SRPK2: variants seen among roughly 807,000 people sequenced by gnomAD.
SRPK2 encodes SRSF protein kinase 2, also known as SFRS protein kinase 2.
A neutral mutation model predicts 90.8 loss-of-function variants in SRPK2; 21 were observed. The ratio of observed to expected loss-of-function variants is 0.23; its 90% CI spans 0.16 to 0.33. The LOEUF (loss-of-function observed/expected upper bound fraction) is 0.33. Ranked by LOEUF, SRPK2 falls within the 10% of genes least tolerant of loss-of-function variation. The pLI is 1.00. For missense variants in SRPK2, 620 were observed against 869.0 expected (o/e 0.71, Z 3.60); for synonymous variants, 288 against 311.1 (o/e 0.93, Z 0.78).
intron 1 of SRPK2, among the ~76,000 whole-genome samples, chr7:105,397,981 A>G (rs1563330259): frequency 1.3e-5 from 2 of 152,186 alleles, no homozygotes; most frequent in Non-Finnish European, 1.5e-5. Flanking sequence ...AAATAATGTA[A>G]TGAGGATGAT....
intron 2 of SRPK2, among the ~76,000 whole-genome samples, chr7:105,233,581 A>G (rs1487117156): frequency 6.6e-6 from 1 of 152,204 alleles, no homozygotes; most frequent in Non-Finnish European, 1.5e-5. Context: ...GGCTGGGCGC[A>G]GTGGCTCACA....
chr7:105,310,435 G>C (rs1358104718), intron 2 of SRPK2, among the ~76,000 whole-genome samples: 1 of 152,028 alleles, frequency 6.6e-6, no homozygotes, highest in Non-Finnish European at 1.5e-5. Context: ...CTGAGCTCAG[G>C]AGTTCAAGAC....
intron 2 of SRPK2, among the ~76,000 whole-genome samples, chr7:105,243,137 G>A (rs991212836): frequency 9.2e-5 from 14 of 152,002 alleles, no homozygotes; most frequent in African/African-American, 2.9e-4. Context: ...GAGTAGCTGG[G>A]ACTCCAGGCC....
intron 2 of SRPK2, among the ~76,000 whole-genome samples, chr7:105,282,146 G>A (rs908542442): frequency 6.6e-6 from 1 of 152,224 alleles, no homozygotes; most frequent in African/African-American, 2.4e-5. Context: ...GAAAGATAAC[G>A]GAAAGTCCAG....
chr7:105,134,271 C>T (rs114422954), intron 11 of SRPK2, among the ~76,000 whole-genome samples: 5,173 of 152,168 alleles, frequency 0.034, 317 homozygotes, highest in African/African-American at 0.12. Context: ...CAGATTTCCA[C>T]GTTGCTGTTC....
Position 105,388,833 on chromosome 7 carries a change from G to T in SRPK2, c.-27C>A. On this transcript the variant is annotated 5_prime_UTR_variant, in exon 1 of 16. Coordinates refer to ENST00000393651, the MANE Select transcript of SRPK2 (RefSeq NM_182692.3). ...CCGACGCGGCGGAAGCGGGGCGGGG[G>T]GCTTCGCGACGGCGACGCGGGCGCC... 7.5e-7 allele frequency: 1 copy of T among 1,342,028 alleles called. No individual in the cohort carries two copies. The highest frequency in any genetic ancestry group is 9.5e-7 in the Non-Finnish European group (1 of 1,052,414). 83.1% of individuals were successfully genotyped at this position (1,342,028 alleles called of 1,614,324 possible). A position where few individuals can be genotyped will look rare whatever the true frequency, so the allele number is the denominator to read the frequency against.
chr7:105,334,118 T>G (rs1216566934), intron 2 of SRPK2, among the ~76,000 whole-genome samples: 1 of 151,290 alleles, frequency 6.6e-6, no homozygotes, highest in African/African-American at 2.4e-5. Context: ...AGTCTCACTC[T>G]GTTGCCAGGC....
Position 105,266,899 on chromosome 7 carries a change from G to A in SRPK2, c.72-63114C>T, listed in dbSNP as rs908106926. Among the ~76,000 whole-genome samples the A allele has an allele frequency of 1.4e-4, 21 of 152,156 alleles. 1 individual carries two copies. Among genetic ancestry groups the A allele is most frequent in the Admixed American group, 3.9e-4 (6 of 15,270 alleles). On this transcript the variant is annotated intron_variant, in intron 2 of 15. Coordinates refer to ENST00000393651, the MANE Select transcript of SRPK2 (RefSeq NM_182692.3). ...TTTAATAAAAAGTAGGGGCAAGGGA[G>A]AGTACCTTCTTGTTGTAATATATCT...
At position 105,311,840 on chromosome 7, in the gene SRPK2, G is replaced by C. The variant is rs553671827; in HGVS notation, c.71+76808C>G. Among the ~76,000 whole-genome samples, 65 of 152,202 alleles carry C rather than the reference G, an allele frequency of 4.3e-4. No homozygotes were observed. The Middle Eastern group carries it at 0.02, about 48-fold the overall frequency. On this transcript the variant is annotated intron_variant, in intron 2 of 15. Transcript: ENST00000393651. ...AACTAAAGCACAAAAATTAATCTAT[G>C]ACCCAGCAATTATATTCCTAGGTTT...
chr7:105,390,607 G>GTTTTTTTT (rs869259356), upstream of SRPK2, among the ~76,000 whole-genome samples: 45 of 109,034 alleles, frequency 4.1e-4, 1 homozygote, highest in East Asian at 2.1e-3. Flanking sequence ...TTTTGTTTTT[G>GTTTTTTTT]TTTTTTTTTT....
At chr7:105,274,957 G>A (rs889118900) in intron 2 of SRPK2, among the ~76,000 whole-genome samples, 7 of 151,616 alleles carry the variant, frequency 4.6e-5, no homozygotes, top group Admixed American at 2.0e-4. Flanking sequence ...GCGCAATCTC[G>A]GCTCACTATA....
intron 3 of SRPK2, among the ~76,000 whole-genome samples, chr7:105,173,081 A>G (rs1476369153): frequency 6.6e-6 from 1 of 152,100 alleles, no homozygotes; most frequent in Non-Finnish European, 1.5e-5. Context: ...AGCTAAAAAT[A>G]TTATCTCTAT....
intron 2 of SRPK2, among the ~76,000 whole-genome samples, chr7:105,258,147 G>A (rs143391951): frequency 3.3e-5 from 5 of 150,188 alleles, no homozygotes; most frequent in South Asian, 4.2e-4. Flanking sequence ...GGCCAGGTGC[G>A]GTGGATCACG....
chr7:105,125,581 A>C (rs1250347314), intron 15 of SRPK2, among the ~76,000 whole-genome samples: 1 of 152,210 alleles, frequency 6.6e-6, no homozygotes, highest in Non-Finnish European at 1.5e-5. Context: ...GGAGGAAAAA[A>C]TGCTGTTAGG....
chr7:105,342,360 T>A (rs927769934), intron 2 of SRPK2, among the ~76,000 whole-genome samples: 1 of 149,944 alleles, frequency 6.7e-6, no homozygotes, highest in East Asian at 1.9e-4. Context: ...TAATAATAAT[T>A]AAATAAAATA....
intron 3 of SRPK2, among the ~76,000 whole-genome samples, chr7:105,178,015 C>T (rs994439126): frequency 2.9e-5 from 4 of 139,660 alleles, no homozygotes; most frequent in South Asian, 2.2e-4. Context: ...GGCGACTGAG[C>T]GAGACTCCGT....
intron 15 of SRPK2, among the ~76,000 whole-genome samples, chr7:105,121,650 A>G (rs1800402285): frequency 6.6e-6 from 1 of 152,196 alleles, no homozygotes; most frequent in East Asian, 1.9e-4. Context: ...TCTGAGAAAC[A>G]GCTTGAAAGA....
chr7:105,268,575 T>C (rs779073023), intron 2 of SRPK2, among the ~76,000 whole-genome samples: 32 of 152,202 alleles, frequency 2.1e-4, no homozygotes, highest in Non-Finnish European at 3.5e-4. Context: ...GTCTGCTGTG[T>C]TATGGTGTGC....
intron 2 of SRPK2, among the ~76,000 whole-genome samples, chr7:105,386,471 T>G (rs894516932): frequency 6.6e-6 from 1 of 152,166 alleles, no homozygotes; most frequent in Non-Finnish European, 1.5e-5. Context: ...CCCAGCTGTG[T>G]GGGAGGCCGA....
Sources: gnomAD v4.1 joint callset for allele counts (sites outside exome capture counted in the v4.1 genomes callset) on GRCh38, gnomAD v4.1.1 for gene constraint, MANE v1.5 for transcripts, NCBI Gene and HGNC (gene_info 2026-07-23, HGNC 2026-07-21) for gene names.